The following AFAP1L1 variants were observed in gnomAD, a reference collection of about 807,000 sequenced individuals.
The protein encoded by AFAP1L1 is actin filament-associated protein 1-like 1.
In AFAP1L1, 77 loss-of-function variants were observed where a neutral mutation model predicts 99.8. That is an observed-to-expected ratio of 0.77 (90% confidence interval 0.64 to 0.93). The LOEUF (loss-of-function observed/expected upper bound fraction) is 0.93. Ranked by LOEUF, AFAP1L1 falls within the 40% of genes least tolerant of loss-of-function variation. The pLI is 0.00. For synonymous variants in AFAP1L1, 373 were observed against 395.3 expected (o/e 0.94, Z 0.67); for missense variants, 893 against 996.8 (o/e 0.90, Z 1.40).
chr5:149,293,563 T>G (rs1357893791), intron 1 of AFAP1L1, among the ~76,000 whole-genome samples: 1 of 152,218 alleles, frequency 6.6e-6, no homozygotes, highest in African/African-American at 2.4e-5. Flanking sequence ...TGAGTAAATG[T>G]TCATTGGACA....
At chr5:149,333,817 C>T (rs543187207) in intron 17 of AFAP1L1, among the ~76,000 whole-genome samples, 3 of 152,284 alleles carry the variant, frequency 2.0e-5, no homozygotes, top group African/African-American at 7.2e-5. Context: ...AGATGTCCCT[C>T]GGGAGAGCAA....
intron 1 of AFAP1L1, among the ~76,000 whole-genome samples, chr5:149,291,144 G>A (rs894005794): frequency 5.3e-5 from 8 of 152,144 alleles, no homozygotes; most frequent in Non-Finnish European, 8.8e-5. Flanking sequence ...GGCTGGCAGC[G>A]GAAGGGAGTT....
At chr5:149,290,423 C>T (rs987563258) in intron 1 of AFAP1L1, among the ~76,000 whole-genome samples, 2 of 152,200 alleles carry the variant, frequency 1.3e-5, no homozygotes, top group African/African-American at 2.4e-5. Flanking sequence ...GCTCACGTTA[C>T]TGATGGTGTA....
At chr5:149,293,612 T>C (rs1317585295) in intron 1 of AFAP1L1, among the ~76,000 whole-genome samples, 2 of 152,230 alleles carry the variant, frequency 1.3e-5, no homozygotes, top group African/African-American at 4.8e-5. Flanking sequence ...CCTGTCCTCC[T>C]GGAGCCTATT....
chr5:149,331,694 C>T (rs1269427445), intron 16 of AFAP1L1, among the ~76,000 whole-genome samples: 1 of 151,904 alleles, frequency 6.6e-6, no homozygotes, highest in East Asian at 1.9e-4. Context: ...CCTGCTATGA[C>T]ACTTGTTTAC....
At chr5:149,301,662 G>A (rs1404339492) in intron 4 of AFAP1L1, among the ~76,000 whole-genome samples, 2 of 152,134 alleles carry the variant, frequency 1.3e-5, no homozygotes, top group East Asian at 3.9e-4. Flanking sequence ...TAGGCGAGTC[G>A]CTTCTCTTCT....
chr5:149,322,566 G>A (rs898877659), intron 14 of AFAP1L1, 40 bp from the exon 15 acceptor site: 12 of 1,477,718 alleles, frequency 8.1e-6, no homozygotes, highest in East Asian at 4.9e-5. Context: ...ATGAGTCTGC[G>A]CCTGCCTGAA....
chr5:149,317,599 T>C, intron 11 of AFAP1L1, 130 bp from the exon 12 acceptor site: 1 of 879,766 alleles, frequency 1.1e-6, no homozygotes, highest in Non-Finnish European at 1.7e-6. Context: ...AAGGTCACCC[T>C]GAGGTCACAG....
chr5:149,279,285 T>C (rs1330404112), intron 1 of AFAP1L1, among the ~76,000 whole-genome samples: 1 of 152,184 alleles, frequency 6.6e-6, no homozygotes, highest in Non-Finnish European at 1.5e-5. Flanking sequence ...TGAAAAGAAC[T>C]GTTCAATGGT....
chr5:149,308,892 C>T (rs1425447894), intron 7 of AFAP1L1, among the ~76,000 whole-genome samples: 2 of 149,664 alleles, frequency 1.3e-5, no homozygotes, highest in Non-Finnish European at 3.0e-5. Flanking sequence ...GCTAGGAGTT[C>T]GAAACCAGCC....
At position 149,284,863 on chromosome 5, in the gene AFAP1L1, G is replaced by A. The variant is rs188034532; in HGVS notation, c.16+12879G>A. On this transcript the variant is annotated intron_variant, in intron 1 of 18. Coordinates refer to ENST00000296721, the MANE Select transcript of AFAP1L1 (RefSeq NM_152406.4). ...TTAGGAGGTAGGGCAAATATCTCAG[G>A]TGAGCAGCAGACTGTAAGACCAACT... is the stretch of plus-strand genomic sequence containing the variant. 3.2e-3 allele frequency among the ~76,000 whole-genome samples: 483 copies of A among 152,326 alleles called. 3 individuals are homozygous for A. Among genetic ancestry groups the A allele is most frequent in the African/African-American group, 0.01 (435 of 41,566 alleles).
intron 1 of AFAP1L1, among the ~76,000 whole-genome samples, chr5:149,281,341 G>A (rs1262792834): frequency 6.6e-6 from 1 of 152,120 alleles, no homozygotes; most frequent in Non-Finnish European, 1.5e-5. Context: ...AATAACTAAG[G>A]TTCAAACAGA....
chr5:149,325,324 C>T (rs1757065878), intron 15 of AFAP1L1, among the ~76,000 whole-genome samples: 1 of 152,200 alleles, frequency 6.6e-6, no homozygotes. Flanking sequence ...AGGGCTCCTT[C>T]TTCCCCCAGC....
chr5:149,326,904 A>AG (rs1181001589), intron 15 of AFAP1L1, among the ~76,000 whole-genome samples: 1 of 152,234 alleles, frequency 6.6e-6, no homozygotes, highest in African/African-American at 2.4e-5. Flanking sequence ...ATACTTCAAG[A>AG]GGAAGTAGAC....
chr5:149,330,746 T>C (rs1757232806), intron 16 of AFAP1L1, among the ~76,000 whole-genome samples: 1 of 152,142 alleles, frequency 6.6e-6, no homozygotes, highest in African/African-American at 2.4e-5. Flanking sequence ...CCTGCTCAAT[T>C]TTTTCCCCTA....
At chr5:149,324,814 T>C (rs991921797) in intron 15 of AFAP1L1, among the ~76,000 whole-genome samples, 1 of 152,208 alleles carries the variant, frequency 6.6e-6, no homozygotes, top group South Asian at 2.1e-4. Flanking sequence ...TGGGGATTTC[T>C]TCATAGAGTT....
rs186494802 is a variant in AFAP1L1 at position 149,306,855 on chromosome 5, A to G, written c.535+451A>G. ...ATAGCCGGCTGAAGTGGGTACTGTC[A>G]TTTATTATGATCATTTTACTGATGA... On this transcript the variant is annotated intron_variant, in intron 6 of 18. Coordinates refer to ENST00000296721, the MANE Select transcript of AFAP1L1 (RefSeq NM_152406.4). Among the ~76,000 whole-genome samples the G allele has an allele frequency of 5.7e-3, 785 of 137,756 alleles. 2 individuals are homozygous for G. Among genetic ancestry groups the G allele is most frequent in the Middle Eastern group, 0.023 (6 of 260 alleles). The allele number at this position is 137,756 out of a possible 152,430, so 90.4% of individuals were successfully genotyped here.
rs552894820 is a variant in AFAP1L1 at position 149,335,555 on chromosome 5, C to T, written c.2155-39C>T. The T allele has an allele frequency of 3.7e-6, 6 of 1,603,462 alleles. No homozygotes were observed. The Admixed American group carries it at 1.0e-4, about 27-fold the overall frequency. On this transcript the variant is annotated intron_variant, in intron 17 of 18. Transcript: ENST00000296721. ...AGGCTGGGTGTGTAGGTAGCCATCA[C>T]CAGATCTCACCTATATAATTATTTA...
rs543775644 is a variant in AFAP1L1 at position 149,343,027 on chromosome 5, C to A, written c.*2997C>A. Among the ~76,000 whole-genome samples, 1 of 152,242 alleles carries A rather than the reference C, an allele frequency of 6.6e-6. No homozygotes were observed. Among genetic ancestry groups the A allele is most frequent in the South Asian group, 2.1e-4 (1 of 4,818 alleles). ...TTCTACTGTCACTGTTTCCTTATTG[C>A]GGGATCTTGCATAGGTTTACCAACC... On this transcript the variant is annotated 3_prime_UTR_variant, in exon 19 of 19. Transcript: ENST00000296721.
Sources: allele counts gnomAD v4.1 joint callset (sites outside exome capture counted in the v4.1 genomes callset), GRCh38; gene constraint gnomAD v4.1.1; transcripts MANE v1.5; gene names NCBI Gene and HGNC (gene_info 2026-07-23, HGNC 2026-07-21).